KLF12: variants seen among roughly 807,000 people sequenced by gnomAD.
The protein encoded by KLF12 is KLF transcription factor 12, also known as Krueppel-like factor 12.
A neutral mutation model predicts 37.8 loss-of-function variants in KLF12; 9 were observed. The observed-to-expected ratio is 0.24, with a 90% CI of 0.14 to 0.42. KLF12 has a LOEUF of 0.42. Ranked by LOEUF, KLF12 falls within the 10% of genes least tolerant of loss-of-function variation. The probability of loss-of-function intolerance (pLI) is 1.00; values close to 1 mark genes in which losing one functional copy is unlikely to be tolerated. For synonymous variants in KLF12, 208 were observed against 202.1 expected, an observed-to-expected ratio of 1.03 and a Z score of -0.25; for missense variants, 411 against 516.0, an observed-to-expected ratio of 0.80 and a Z score of 1.97.
intron 1 of KLF12, among the ~76,000 whole-genome samples, chr13:74,026,267 A>C (rs376131714): frequency 3.2e-4 from 48 of 152,282 alleles, no homozygotes; most frequent in African/African-American, 1.1e-3. Context: ...GAAGAGGAAA[A>C]AAATCAGTTA....
Position 73,845,872 on chromosome 13 carries a change from T to G in KLF12, c.625A>C (p.Thr209Pro). Residue 209 changes from threonine to proline, a missense_variant, in exon 4 of 8, where the codon ACT becomes CCT. This residue lies in a region of KLF12 where 351 missense variants were observed against 397.8 expected (regional missense o/e 0.88). Transcript: ENST00000377669. ...TCCTCCAAAAGCGGCACGACAATAG[T>G]GTTGTTCACATTTCCAGGTGACCTT... The G allele has an allele frequency of 5.0e-6, 8 of 1,614,196 alleles. No homozygotes were observed. The highest frequency in any genetic ancestry group is 6.8e-6 in the Non-Finnish European group (8 of 1,180,006).
chr13:74,167,546 C>T, the KLF12 span, among the ~76,000 whole-genome samples: 5 of 152,170 alleles, frequency 3.3e-5, no homozygotes, highest in South Asian at 2.1e-4. Context: ...TGAAATGAAA[C>T]GTTAGCAAAG....
At chr13:73,782,895 T>A (rs1031969226) in intron 5 of KLF12, among the ~76,000 whole-genome samples, 1 of 152,204 alleles carries the variant, frequency 6.6e-6, no homozygotes, top group Non-Finnish European at 1.5e-5. Flanking sequence ...CAAAGTGTCA[T>A]CAATCTGAAT....
At chr13:74,146,090 G>A in the KLF12 span, among the ~76,000 whole-genome samples, 1 of 152,126 alleles carries the variant, frequency 6.6e-6, no homozygotes, top group Non-Finnish European at 1.5e-5. Context: ...ATCTTAATGT[G>A]AGCATACAGA....
intron 4 of KLF12, among the ~76,000 whole-genome samples, chr13:73,833,064 T>G (rs1203536606): frequency 6.6e-6 from 1 of 152,214 alleles, no homozygotes; most frequent in Non-Finnish European, 1.5e-5. Context: ...TGCAGTTAAC[T>G]GCAGTGGGGT....
the KLF12 span, among the ~76,000 whole-genome samples, chr13:74,202,120 T>A: frequency 1.3e-5 from 2 of 152,154 alleles, no homozygotes; most frequent in African/African-American, 2.4e-5. Context: ...ATACAAATAA[T>A]TTGAAAGATC....
chr13:73,870,627 T>C (rs1490192555), intron 3 of KLF12, among the ~76,000 whole-genome samples: 1 of 152,238 alleles, frequency 6.6e-6, no homozygotes, highest in Non-Finnish European at 1.5e-5. Context: ...TTCAGCTTTA[T>C]GATATCCATA....
chr13:73,995,547 T>C (rs2138273957), intron 1 of KLF12, among the ~76,000 whole-genome samples: 1 of 152,318 alleles, frequency 6.6e-6, no homozygotes. Flanking sequence ...TTGATACAAA[T>C]GTGCAAAATA....
At chr13:74,154,303 A>G in the KLF12 span, among the ~76,000 whole-genome samples, 28 of 152,296 alleles carry the variant, frequency 1.8e-4, 1 homozygote, top group South Asian at 5.8e-3. Flanking sequence ...CATAAATTGT[A>G]TTGGTTGAAT....
At chr13:74,300,520 C>G in the KLF12 span, among the ~76,000 whole-genome samples, 1 of 152,084 alleles carries the variant, frequency 6.6e-6, no homozygotes, top group Non-Finnish European at 1.5e-5. Flanking sequence ...TTCTTCATTT[C>G]TCTTTAAATC....
chr13:73,997,030 C>A (rs1199391177), intron 1 of KLF12, among the ~76,000 whole-genome samples: 4 of 152,176 alleles, frequency 2.6e-5, no homozygotes, highest in African/African-American at 9.7e-5. Context: ...ACATTTGCAA[C>A]CTTCTACAAT....
chr13:73,946,403 C>A (rs1890424887), intron 2 of KLF12, among the ~76,000 whole-genome samples: 1 of 152,180 alleles, frequency 6.6e-6, no homozygotes, highest in African/African-American at 2.4e-5. Context: ...AAAATGGAAG[C>A]TAACCAGAGT....
At chr13:74,105,074 G>C (rs1876579680) in intron 1 of KLF12, among the ~76,000 whole-genome samples, 1 of 152,122 alleles carries the variant, frequency 6.6e-6, no homozygotes, top group Admixed American at 6.5e-5. Context: ...TACAGCAGAA[G>C]TCAATGACTG....
the KLF12 span, among the ~76,000 whole-genome samples, chr13:74,240,252 A>G: frequency 6.8e-6 from 1 of 145,986 alleles, no homozygotes; most frequent in Non-Finnish European, 1.5e-5. Context: ...TCTTTTCTTT[A>G]AGAATGTTGA....
intron 5 of KLF12, among the ~76,000 whole-genome samples, chr13:73,810,196 G>A (rs1882852136): frequency 6.6e-6 from 1 of 151,996 alleles, no homozygotes; most frequent in South Asian, 2.1e-4. Flanking sequence ...AGTGATCTGA[G>A]ATGGTGCCAC....
chr13:74,220,622 T>C, the KLF12 span, among the ~76,000 whole-genome samples: 1 of 152,230 alleles, frequency 6.6e-6, no homozygotes, highest in East Asian at 1.9e-4. Flanking sequence ...ACAGATCTCT[T>C]GAACTCATTC....
chr13:74,260,465 G>A, the KLF12 span, among the ~76,000 whole-genome samples: 1 of 151,416 alleles, frequency 6.6e-6, no homozygotes, highest in Non-Finnish European at 1.5e-5. Context: ...GAGGTGGGAG[G>A]ATCGCCTGAG....
intron 1 of KLF12, among the ~76,000 whole-genome samples, chr13:74,001,150 A>G (rs1892271733): frequency 6.6e-6 from 1 of 152,212 alleles, no homozygotes; most frequent in East Asian, 1.9e-4. Context: ...CAGATGAAGA[A>G]CACTCACATC....
chr13:73,989,583 A>G (rs77226997), intron 2 of KLF12, among the ~76,000 whole-genome samples: 2,476 of 152,278 alleles, frequency 0.016, 47 homozygotes, highest in African/African-American at 0.055. Flanking sequence ...ATGGAAGCAG[A>G]GCAGACTCTG....
Sources: allele counts gnomAD v4.1 joint callset (sites outside exome capture counted in the v4.1 genomes callset), GRCh38; gene constraint gnomAD v4.1.1; regional missense constraint gnomAD v4.1.1; transcripts MANE v1.5; gene names NCBI Gene and HGNC (gene_info 2026-07-23, HGNC 2026-07-21).